ADCY5: variants seen among roughly 807,000 people sequenced by gnomAD.
ADCY5 encodes adenylate cyclase type 5.
Under a neutral mutation model 119.7 loss-of-function variants are expected in ADCY5, and 30 were observed. The observed-to-expected ratio is 0.25, with a 90% CI of 0.19 to 0.34. The LOEUF is 0.34. Among genes scored for constraint, ADCY5 ranks in the 10% least tolerant of loss-of-function variants. The probability of loss-of-function intolerance (pLI) is 1.00; values close to 1 mark genes in which losing one functional copy is unlikely to be tolerated. For synonymous variants in ADCY5, 753 were observed against 762.2 expected (o/e 0.99, Z 0.20); for missense variants, 1,324 against 1,775.2 (o/e 0.75, Z 4.57).
At chr3:123,424,990 C>G (rs1025658016) in intron 1 of ADCY5, among the ~76,000 whole-genome samples, 1 of 152,216 alleles carries the variant, frequency 6.6e-6, no homozygotes, top group East Asian at 1.9e-4. Flanking sequence ...CAGCCAGGGT[C>G]AGGGTCTGTT....
At chr3:123,405,271 C>T (rs1323667628) in intron 1 of ADCY5, among the ~76,000 whole-genome samples, 1 of 152,230 alleles carries the variant, frequency 6.6e-6, no homozygotes, top group East Asian at 1.9e-4. Context: ...CTGCAGCAGC[C>T]TTGCCCCGCG....
Position 123,353,377 on chromosome 3 carries a change from T to C in ADCY5, c.1135-796A>G, listed in dbSNP as rs181917529. Among the ~76,000 whole-genome samples the C allele has an allele frequency of 6.6e-4, 100 of 152,348 alleles. 1 individual carries two copies. Among genetic ancestry groups the C allele is most frequent in the Non-Finnish European group, 1.2e-3 (79 of 68,034 alleles). On this transcript the variant is annotated intron_variant, in intron 1 of 20. Coordinates refer to ENST00000462833, the MANE Select transcript of ADCY5 (RefSeq NM_183357.3). ...ACGGAAAGCAAGGTTATACGGTACA[T>C]TCAGATCCCAGTGAGTGATGTGTAG...
intron 1 of ADCY5, among the ~76,000 whole-genome samples, chr3:123,409,404 C>T (rs893309361): frequency 2.6e-5 from 4 of 152,188 alleles, no homozygotes; most frequent in Non-Finnish European, 5.9e-5. Context: ...CGGCCCAGCA[C>T]ATGCTAGTTC....
chr3:123,288,591 C>T (rs1460520037), intron 19 of ADCY5, among the ~76,000 whole-genome samples: 3 of 152,106 alleles, frequency 2.0e-5, no homozygotes, highest in South Asian at 2.1e-4. Context: ...CTTTGTGGAA[C>T]GAGTTCAGAG....
intron 3 of ADCY5, among the ~76,000 whole-genome samples, chr3:123,335,806 A>C (rs1941997121): frequency 6.6e-6 from 1 of 152,186 alleles, no homozygotes. Context: ...CTCCCAGGAG[A>C]AGCACAGGAG....
chr3:123,439,076 C>CTATTTTTTTTTTTTTT (rs1945675602), intron 1 of ADCY5, among the ~76,000 whole-genome samples: 1 of 64,728 alleles, frequency 1.5e-5, no homozygotes, highest in African/African-American at 6.5e-5. Flanking sequence ...CCCTAAAGTG[C>CTATTTTTTTTTTTTTT]TTTTTTTTTT....
rs1945841714 is a variant in ADCY5 at position 123,447,504 on chromosome 3, G to A, written c.1042C>T (p.Arg348Trp). ...AGCACCCCGCTGAGCACTGCGGCCC[G>A]CATGCGCACGGGCAGCAGCGTGTAG... ...TIYTLLPVRM[R>W]AAVLSGVLLS... The change falls in exon 1 of 21, where the codon CGG becomes TGG. Residue 348 changes from arginine (R) to tryptophan (W), a missense_variant. Transcript: ENST00000462833. The A allele has an allele frequency of 1.2e-6, 2 of 1,611,294 alleles. No individual in the cohort carries two copies. Among genetic ancestry groups the A allele is most frequent in the Non-Finnish European group, 1.7e-6 (2 of 1,179,492 alleles).
intron 3 of ADCY5, among the ~76,000 whole-genome samples, chr3:123,346,042 A>T (rs1942534709): frequency 6.6e-6 from 1 of 152,234 alleles, no homozygotes; most frequent in Non-Finnish European, 1.5e-5. Context: ...AAATGGAGAT[A>T]ATCACAGTAC....
rs1035255098 is a variant in ADCY5, at chr3:123,284,120, C to G, written c.*488G>C. 2 of 156,908 alleles carry G rather than the reference C, an allele frequency of 1.3e-5. No individual in the cohort carries two copies. Among genetic ancestry groups the G allele is most frequent in the African/African-American group, 4.8e-5 (2 of 41,504 alleles). 9.7% of individuals were successfully genotyped at this position (156,908 alleles called of 1,614,324 possible). ...TCCCTCCAAAGCCAGCACTCCTGTG[C>G]CAAAGCCCCTGCAGGTGCAGGGTGG... On this transcript the variant is annotated 3_prime_UTR_variant, in exon 21 of 21. Transcript: ENST00000462833.
chr3:123,387,591 T>A (rs1032970698), intron 1 of ADCY5, among the ~76,000 whole-genome samples: 4 of 152,198 alleles, frequency 2.6e-5, no homozygotes, highest in African/African-American at 9.7e-5. Context: ...TAGGAGGACA[T>A]TCATCCTGAC....
At chr3:123,297,038 G>C in intron 16 of ADCY5, 1 of 1,536,072 alleles carries the variant, frequency 6.5e-7, no homozygotes, top group African/African-American at 1.4e-5. Flanking sequence ...CTGTGTCTGA[G>C]GTTCTCACAC....
rs1189704790 is a variant in ADCY5 at position 123,291,245 on chromosome 3, C to T, written c.3195G>A (p.Gln1065=). The T allele has an allele frequency of 1.2e-6, 2 of 1,613,970 alleles. No homozygotes were observed. The highest frequency in any genetic ancestry group is 2.2e-5 in the East Asian group (1 of 44,894). ...RERRNDELYY[Q]SCECVAVMFA... is the part of the protein sequence containing the mutation. ...ACATGACCGCCACACACTCACAGGA[C>T]TGATAGTAGAGCTCATCATTGCGCC... Residue 1065 remains glutamine (Q), a synonymous_variant, in exon 18 of 21, where the codon CAG becomes CAA. Coordinates refer to ENST00000462833, the MANE Select transcript of ADCY5 (RefSeq NM_183357.3).
At chr3:123,338,429 C>T (rs1047431491) in intron 3 of ADCY5, among the ~76,000 whole-genome samples, 1 of 152,244 alleles carries the variant, frequency 6.6e-6, no homozygotes, top group African/African-American at 2.4e-5. Context: ...GTCACTTCTG[C>T]AGGCTCCTGG....
At chr3:123,349,554 C>G (rs998271179) in intron 2 of ADCY5, among the ~76,000 whole-genome samples, 1 of 152,220 alleles carries the variant, frequency 6.6e-6, no homozygotes, top group Non-Finnish European at 1.5e-5. Flanking sequence ...AACACCTCCA[C>G]AGGTTTTCTA....
chr3:123,412,369 T>C (rs115457966), intron 1 of ADCY5, among the ~76,000 whole-genome samples: 2,783 of 152,268 alleles, frequency 0.018, 78 homozygotes, highest in African/African-American at 0.063. Flanking sequence ...AGGACGTCCC[T>C]GCGGGCTCTC....
chr3:123,408,557 G>A (rs982260194), intron 1 of ADCY5, among the ~76,000 whole-genome samples: 4 of 151,808 alleles, frequency 2.6e-5, no homozygotes, highest in Admixed American at 2.6e-4. Context: ...TCGACAGGCT[G>A]AGGCGGAAGA....
chr3:123,383,979 CA>C (rs1944128932), intron 1 of ADCY5, among the ~76,000 whole-genome samples: 1 of 150,590 alleles, frequency 6.6e-6, no homozygotes, highest in Non-Finnish European at 1.5e-5. Context: ...CACACACACA[CA>C]CAAACACACA....
chr3:123,429,946 A>G (rs1413033768), intron 1 of ADCY5, among the ~76,000 whole-genome samples: 3 of 151,904 alleles, frequency 2.0e-5, no homozygotes, highest in Non-Finnish European at 4.4e-5. Flanking sequence ...CAGGAGTGTC[A>G]GCGGGGGCAG....
At chr3:123,413,037 C>T (rs1288633049) in intron 1 of ADCY5, among the ~76,000 whole-genome samples, 1 of 151,958 alleles carries the variant, frequency 6.6e-6, no homozygotes. Context: ...GAGACGACCT[C>T]ACCGTCCTCA....
Sources: gnomAD v4.1 joint callset for allele counts (sites outside exome capture counted in the v4.1 genomes callset) on GRCh38, gnomAD v4.1.1 for gene constraint, MANE v1.5 for transcripts, NCBI Gene and HGNC (gene_info 2026-07-23, HGNC 2026-07-21) for gene names.